The following PEAK1 variants were observed in gnomAD, a reference collection of about 807,000 sequenced individuals.
PEAK1 encodes pseudopodium enriched atypical kinase 1.
A neutral mutation model predicts 124.7 loss-of-function variants in PEAK1; 54 were observed. The observed-to-expected ratio is 0.43, with a 90% CI of 0.35 to 0.54. The LOEUF (loss-of-function observed/expected upper bound fraction) is 0.54, where lower values mean the gene tolerates loss of function less well. PEAK1 is among the 20% of genes least tolerant of loss of function. PEAK1 has a pLI of 0.01. For missense variants in PEAK1, 2,046 were observed against 2,134.5 expected, an observed-to-expected ratio of 0.96 and a Z score of 0.82; for synonymous variants, 719 against 760.0, an observed-to-expected ratio of 0.95 and a Z score of 0.89.
At chr15:77,391,617 T>A (rs960333000) in intron 1 of PEAK1, among the ~76,000 whole-genome samples, 1 of 150,870 alleles carries the variant, frequency 6.6e-6, no homozygotes, top group African/African-American at 2.4e-5. Context: ...CAGGCTAAGA[T>A]AACAGTACCC....
intron 2 of PEAK1, chr15:77,347,513 A>T (rs2066938355): frequency 1.0e-6 from 1 of 985,386 alleles, no homozygotes; most frequent in Non-Finnish European, 1.2e-6. Context: ...TTATAATAGG[A>T]ACCGTTAAAG....
At chr15:77,412,875 T>C (rs916254451) in intron 1 of PEAK1, among the ~76,000 whole-genome samples, 6 of 151,896 alleles carry the variant, frequency 4.0e-5, no homozygotes, top group Admixed American at 2.0e-4. Flanking sequence ...GATAGAAATA[T>C]GCCAAAAAGA....
chr15:77,357,867 A>C (rs568174803), intron 2 of PEAK1, among the ~76,000 whole-genome samples: 1 of 152,300 alleles, frequency 6.6e-6, no homozygotes, highest in Non-Finnish European at 1.5e-5. Flanking sequence ...ATTTCTAATA[A>C]GCAAACTCTT....
intron 2 of PEAK1, chr15:77,334,243 G>C: frequency 4.1e-6 from 4 of 984,434 alleles, no homozygotes; most frequent in Non-Finnish European, 4.8e-6. Context: ...GTTCAAATAG[G>C]CTTTCAGGTA....
At chr15:77,278,740 C>T in intron 5 of PEAK1, 1 of 489,304 alleles carries the variant, frequency 2.0e-6, no homozygotes, top group South Asian at 1.5e-5. Context: ...CCAAGTGAAG[C>T]ACGTGCATTT....
At chr15:77,323,420 G>T (rs1440710116) in intron 2 of PEAK1, among the ~76,000 whole-genome samples, 1 of 152,102 alleles carries the variant, frequency 6.6e-6, no homozygotes, top group Non-Finnish European at 1.5e-5. Context: ...AAGCTGATAG[G>T]CAACTTCAGC....
downstream of PEAK1, chr15:77,107,158 C>G (rs2050763752): frequency 6.6e-6 from 1 of 152,430 alleles, no homozygotes; most frequent in Non-Finnish European, 1.5e-5. Flanking sequence ...TCTTTGCTTC[C>G]TTTCCCCCAG....
intron 5 of PEAK1, among the ~76,000 whole-genome samples, chr15:77,275,732 T>A (rs1230711038): frequency 6.7e-6 from 1 of 149,688 alleles, no homozygotes; most frequent in Non-Finnish European, 1.5e-5. Flanking sequence ...ATAAATAAAA[T>A]AAAAAAATTT....
chr15:77,298,304 C>T (rs1421176700), intron 2 of PEAK1, among the ~76,000 whole-genome samples: 7 of 134,410 alleles, frequency 5.2e-5, no homozygotes, highest in Non-Finnish European at 9.3e-5. Flanking sequence ...CTGCAAGCTC[C>T]GCCTCCCGGA....
chr15:77,266,444 T>C (rs2061737124), intron 5 of PEAK1, among the ~76,000 whole-genome samples: 1 of 152,052 alleles, frequency 6.6e-6, no homozygotes, highest in African/African-American at 2.4e-5. Context: ...GACCCTGAAC[T>C]TACTCCTCTA....
chr15:77,158,368 T>C, intron 8 of PEAK1, 135 bp downstream of exon 8: 1 of 803,928 alleles, frequency 1.2e-6, no homozygotes, highest in Non-Finnish European at 2.0e-6. Context: ...CTGATGTGAC[T>C]TAAAATTTGT....
chr15:77,169,523 A>G (rs1018617769), intron 7 of PEAK1, among the ~76,000 whole-genome samples: 6 of 152,232 alleles, frequency 3.9e-5, no homozygotes, highest in Non-Finnish European at 8.8e-5. Flanking sequence ...CAGCTTATTG[A>G]AAGAACCACT....
intron 2 of PEAK1, among the ~76,000 whole-genome samples, chr15:77,345,026 A>AT (rs971468809): frequency 6.6e-6 from 1 of 151,950 alleles, no homozygotes; most frequent in Admixed American, 6.6e-5. Flanking sequence ...GTTTGGATAA[A>AT]TTTTTTTTCT....
At chr15:77,152,878 G>C (rs2054779221) in intron 8 of PEAK1, among the ~76,000 whole-genome samples, 2 of 151,898 alleles carry the variant, frequency 1.3e-5, no homozygotes, top group African/African-American at 4.9e-5. Flanking sequence ...ATGTGCTGCT[G>C]GATTCGGTTT....
chr15:77,297,197 C>T (rs887486671), intron 2 of PEAK1, among the ~76,000 whole-genome samples: 13 of 151,934 alleles, frequency 8.6e-5, no homozygotes, highest in African/African-American at 2.9e-4. Context: ...TTGATATATG[C>T]TCTGAGGAAG....
chr15:77,130,070 C>T (rs565795744), intron 9 of PEAK1, among the ~76,000 whole-genome samples: 1 of 152,322 alleles, frequency 6.6e-6, no homozygotes, highest in East Asian at 1.9e-4. Context: ...CACTTGCCAT[C>T]TGTTCTTTGG....
At chr15:77,148,849 G>A (rs2054363783) in intron 8 of PEAK1, among the ~76,000 whole-genome samples, 1 of 152,154 alleles carries the variant, frequency 6.6e-6, no homozygotes, top group Non-Finnish European at 1.5e-5. Flanking sequence ...TTAAGCCCAG[G>A]AGTTTGAGGC....
chr15:77,249,074 C>T (rs1490360754), intron 6 of PEAK1, among the ~76,000 whole-genome samples: 2 of 152,086 alleles, frequency 1.3e-5, no homozygotes, highest in African/African-American at 2.4e-5. Context: ...CCTCCTGCCT[C>T]GGCCTCCCAA....
intron 1 of PEAK1, among the ~76,000 whole-genome samples, chr15:77,378,947 C>T (rs950827604): frequency 6.6e-6 from 1 of 152,156 alleles, no homozygotes; most frequent in African/African-American, 2.4e-5. Flanking sequence ...CTCGCCACCC[C>T]TATATTTCCT....
Sources: allele counts gnomAD v4.1 joint callset (sites outside exome capture counted in the v4.1 genomes callset), GRCh38; gene constraint gnomAD v4.1.1; transcripts MANE v1.5; gene names NCBI Gene and HGNC (gene_info 2026-07-23, HGNC 2026-07-21).